SEMA3A: variants seen among roughly 807,000 people sequenced by gnomAD.
SEMA3A encodes semaphorin 3A.
SEMA3A carries 29 observed loss-of-function variants against 97.9 expected under a neutral mutation model. That is an observed-to-expected ratio of 0.30 (90% CI 0.22 to 0.40). The LOEUF (loss-of-function observed/expected upper bound fraction) is 0.40. Ranked by LOEUF, SEMA3A falls within the 10% of genes least tolerant of loss-of-function variation. The pLI is 1.00. For synonymous variants in SEMA3A, 321 were observed against 323.7 expected (o/e 0.99, Z 0.09); for missense variants, 763 against 951.3 (o/e 0.80, Z 2.60).
At chr7:84,317,323 G>A (rs1801533585) in intron 2 of SEMA3A, among the ~76,000 whole-genome samples, 1 of 152,096 alleles carries the variant, frequency 6.6e-6, no homozygotes. Flanking sequence ...AAAGTACTGT[G>A]TGTAGAGAAT....
intron 3 of SEMA3A, among the ~76,000 whole-genome samples, chr7:84,282,820 C>T (rs992798722): frequency 6.6e-5 from 10 of 151,900 alleles, no homozygotes; most frequent in East Asian, 1.9e-4. Context: ...TTGAAACCAG[C>T]GTGGCCAACA....
intron 15 of SEMA3A, among the ~76,000 whole-genome samples, chr7:83,972,607 A>G (rs936169724): frequency 2.6e-5 from 4 of 152,108 alleles, no homozygotes; most frequent in African/African-American, 9.7e-5. Flanking sequence ...GCTGAAGCAG[A>G]AACCTTCCAT....
intron 1 of SEMA3A, among the ~76,000 whole-genome samples, chr7:84,404,775 T>G (rs1804022991): frequency 6.6e-6 from 1 of 152,122 alleles, no homozygotes; most frequent in Admixed American, 6.6e-5. Flanking sequence ...CAACCCAGAA[T>G]TTCATATCCA....
rs560664399 is a variant in SEMA3A at position 84,052,359 on chromosome 7, T to C, written c.548-5916A>G. The stretch of plus-strand genomic sequence containing the variant: ...CTAGTCCTGCACTCTTTTTGGTTGG[T>C]AAGCTATTGATTATTGCCACAATTT... On this transcript the variant is annotated intron_variant, in intron 5 of 16. Transcript: ENST00000265362. Among the ~76,000 whole-genome samples, 299 of 152,346 alleles carry C rather than the reference T, an allele frequency of 2.0e-3. 1 individual carries two copies. Among genetic ancestry groups the C allele is most frequent in the African/African-American group, 6.7e-3 (280 of 41,578 alleles).
chr7:84,102,588 C>CTTT (rs3074757), intron 4 of SEMA3A, among the ~76,000 whole-genome samples: 1,175 of 96,812 alleles, frequency 0.012, 57 homozygotes, highest in African/African-American at 0.028. Context: ...TGCATTATCG[C>CTTT]TTTTTTTTTT....
At chr7:84,387,963 C>A (rs1228877) in intron 1 of SEMA3A, among the ~76,000 whole-genome samples, 2 of 151,854 alleles carry the variant, frequency 1.3e-5, no homozygotes, top group African/African-American at 4.8e-5. Context: ...TTTACCACCT[C>A]TGCACAATGG....
intron 6 of SEMA3A, among the ~76,000 whole-genome samples, chr7:84,038,557 C>T (rs1169468893): frequency 6.6e-6 from 1 of 151,954 alleles, no homozygotes; most frequent in East Asian, 1.9e-4. Context: ...TACACTAGAT[C>T]ACAAAGAGAT....
chr7:84,129,945 T>C (rs1343017982), intron 2 of SEMA3A, among the ~76,000 whole-genome samples: 1 of 152,074 alleles, frequency 6.6e-6, no homozygotes, highest in East Asian at 1.9e-4. Flanking sequence ...GTGACAGTAG[T>C]AGATGAACTA....
intron 2 of SEMA3A, among the ~76,000 whole-genome samples, chr7:84,328,910 C>G (rs2115939776): frequency 6.6e-6 from 1 of 152,058 alleles, no homozygotes; most frequent in Non-Finnish European, 1.5e-5. Flanking sequence ...TTTCAACTTC[C>G]TCTCACATAT....
intron 2 of SEMA3A, among the ~76,000 whole-genome samples, chr7:84,313,611 C>T (rs1407018938): frequency 6.6e-6 from 1 of 151,160 alleles, no homozygotes; most frequent in Non-Finnish European, 1.5e-5. Context: ...CTAATTACAT[C>T]ATGCATTGGT....
At chr7:84,283,826 T>C (rs1800515174) in intron 3 of SEMA3A, among the ~76,000 whole-genome samples, 1 of 152,188 alleles carries the variant, frequency 6.6e-6, no homozygotes, top group Non-Finnish European at 1.5e-5. Flanking sequence ...GTTACAAAGA[T>C]TGTCAGAATT....
At chr7:84,120,929 C>T (rs1795592076) in intron 3 of SEMA3A, among the ~76,000 whole-genome samples, 1 of 152,056 alleles carries the variant, frequency 6.6e-6, no homozygotes. Flanking sequence ...TTCCACTGGG[C>T]ATTGGGAAGA....
At chr7:84,307,176 A>T (rs937964405) in intron 3 of SEMA3A, 3 of 152,162 alleles carry the variant, frequency 2.0e-5, no homozygotes, top group African/African-American at 7.2e-5. Flanking sequence ...ACTTATTAAC[A>T]TGCCAATGTG....
intron 2 of SEMA3A, among the ~76,000 whole-genome samples, chr7:84,342,342 A>AT (rs1027417435): frequency 6.6e-6 from 1 of 151,842 alleles, no homozygotes. Flanking sequence ...CCACTATAGA[A>AT]TTTTTTTACT....
chr7:84,484,524 C>T (rs1243693681), intron 1 of SEMA3A, among the ~76,000 whole-genome samples: 1 of 148,920 alleles, frequency 6.7e-6, no homozygotes, highest in African/African-American at 2.5e-5. Flanking sequence ...CTTATGCATG[C>T]ACATATTCAC....
rs536800766 is a variant in SEMA3A at position 84,453,026 on chromosome 7, G to A, written c.-246+39434C>T. The stretch of plus-strand genomic sequence containing the variant: ...GATTTGTAGCAGGTCATTTTTACTA[G>A]TAATAGCTTTAAAATTTTCTAGGTT... On this transcript the variant is annotated intron_variant, in intron 1 of 3. Coordinates refer to the SEMA3A transcript ENST00000424555. Among the ~76,000 whole-genome samples the A allele has an allele frequency of 4.9e-4, 74 of 152,180 alleles. 1 individual carries two copies. The South Asian group carries it at 0.015, about 30-fold the overall frequency.
intron 3 of SEMA3A, among the ~76,000 whole-genome samples, chr7:84,249,352 C>G (rs1799544404): frequency 6.7e-6 from 1 of 149,796 alleles, no homozygotes; most frequent in Non-Finnish European, 1.5e-5. Flanking sequence ...CAGTCTCTCT[C>G]TCTCTCTCTG....
intron 1 of SEMA3A, among the ~76,000 whole-genome samples, chr7:84,424,593 T>A (rs1356507288): frequency 1.3e-5 from 1 of 74,152 alleles, no homozygotes; most frequent in Non-Finnish European, 2.1e-5. Context: ...TTATATATAA[T>A]ATATAAATAT....
chr7:84,243,762 T>C (rs1799419476), intron 3 of SEMA3A, among the ~76,000 whole-genome samples: 2 of 152,168 alleles, frequency 1.3e-5, no homozygotes, highest in African/African-American at 2.4e-5. Context: ...CTCTAAACAC[T>C]GCTTTAGCTG....
Sources: allele counts gnomAD v4.1 joint callset (sites outside exome capture counted in the v4.1 genomes callset), GRCh38; gene constraint gnomAD v4.1.1; transcripts MANE v1.5; gene names NCBI Gene and HGNC (gene_info 2026-07-23, HGNC 2026-07-21).